KAZN: variants seen among roughly 807,000 people sequenced by gnomAD.
KAZN encodes the protein kazrin, periplakin interacting protein, also known as kazrin.
In KAZN, 40 loss-of-function variants were observed where a neutral mutation model predicts 87.4. The observed-to-expected ratio is 0.46, with a 90% CI of 0.36 to 0.60. The LOEUF (loss-of-function observed/expected upper bound fraction) is 0.60, where lower values mean the gene tolerates loss of function less well. Ranked by LOEUF, KAZN falls within the 20% of genes least tolerant of loss-of-function variation. The pLI is 0.00. For missense variants in KAZN, 898 were observed against 1,073.9 expected, an observed-to-expected ratio of 0.84 and a Z score of 2.29; for synonymous variants, 466 against 458.3, an observed-to-expected ratio of 1.02 and a Z score of -0.22.
intron 2 of KAZN, among the ~76,000 whole-genome samples, chr1:14,303,430 G>A (rs971889911): frequency 1.3e-5 from 2 of 152,150 alleles, no homozygotes; most frequent in African/African-American, 4.8e-5. Context: ...ATTTTTAGAA[G>A]AGACTGGGTT....
chr1:14,432,248 A>G (rs1203867327), intron 2 of KAZN, among the ~76,000 whole-genome samples: 2 of 152,202 alleles, frequency 1.3e-5, no homozygotes, highest in African/African-American at 2.4e-5. Flanking sequence ...GAAATTGACT[A>G]TGTAGATCAT....
At position 15,105,441 on chromosome 1, in the gene KAZN, G is replaced by A. The variant is rs115305836; in HGVS notation, c.2048+1252G>A. 4.3e-3 allele frequency among the ~76,000 whole-genome samples: 650 copies of A among 152,214 alleles called. 6 individuals are homozygous for A. The highest frequency in any genetic ancestry group is 0.015 in the African/African-American group (623 of 41,522). ...CCATTTCATCTAGGTTAGCTAATCT[G>A]GTGGCATGCAGTTGATCATATAATT... is the stretch of plus-strand genomic sequence containing the variant. On this transcript the variant is annotated intron_variant, in intron 13 of 14. Transcript: ENST00000376030.
At chr1:14,782,554 C>CAAA (rs71572122) in intron 1 of KAZN, among the ~76,000 whole-genome samples, 345 of 66,170 alleles carry the variant, frequency 5.2e-3, no homozygotes, top group East Asian at 0.012. Context: ...CCTCAAAGAG[C>CAAA]AAAAAAAAAA....
chr1:14,480,933 A>C (rs1669047440), intron 2 of KAZN, among the ~76,000 whole-genome samples: 1 of 148,306 alleles, frequency 6.7e-6, no homozygotes, highest in Non-Finnish European at 1.5e-5. Context: ...TATTAATAGA[A>C]TATACATTTT....
At chr1:14,324,942 TA>T (rs35547394) in intron 2 of KAZN, among the ~76,000 whole-genome samples, 12,493 of 152,274 alleles carry the variant, frequency 0.082, 968 homozygotes, top group African/African-American at 0.21. Flanking sequence ...GGAACCACCA[TA>T]ATTACTTTTG....
At chr1:14,759,436 G>A (rs1180191907) in intron 1 of KAZN, among the ~76,000 whole-genome samples, 1 of 152,164 alleles carries the variant, frequency 6.6e-6, no homozygotes, top group Non-Finnish European at 1.5e-5. Flanking sequence ...TGCTGTTAGA[G>A]AGGCTCTATA....
Position 14,735,160 on chromosome 1 carries a change from C to T in KAZN, c.226+135937C>T, listed in dbSNP as rs578022500. ...CTGCGAGCTCCGCCTCCCGGGTTCA[C>T]TCCATTCTCCTGCCTCAGCCTCAGG... is the stretch of plus-strand genomic sequence containing the variant. On this transcript the variant is annotated intron_variant, in intron 1 of 14. Transcript: ENST00000376030. The surrounding 1 kb of genome is among the most constrained non-coding windows in gnomAD (Gnocchi z 4.3). Among the ~76,000 whole-genome samples, 23 of 152,276 alleles carry T rather than the reference C, an allele frequency of 1.5e-4. No individual in the cohort carries two copies. The East Asian group carries it at 3.7e-3, about 24-fold the overall frequency.
intron 8 of KAZN, among the ~76,000 whole-genome samples, chr1:15,079,014 G>A (rs896547657): frequency 1.3e-5 from 2 of 152,236 alleles, no homozygotes; most frequent in Non-Finnish European, 1.5e-5. Context: ...GGAGGCAGTT[G>A]CAAAGCTTTT....
At chr1:14,857,772 G>A (rs1650303532) in intron 1 of KAZN, among the ~76,000 whole-genome samples, 2 of 152,138 alleles carry the variant, frequency 1.3e-5, no homozygotes, top group Admixed American at 1.3e-4. Context: ...CCTCCTTTAA[G>A]CAAGGCTCAT....
At chr1:14,370,093 A>C (rs1052785019) in intron 2 of KAZN, among the ~76,000 whole-genome samples, 5 of 152,160 alleles carry the variant, frequency 3.3e-5, no homozygotes, top group Admixed American at 6.5e-5. Flanking sequence ...AGACAAAAAC[A>C]ACCAACCCAA....
chr1:13,950,868 G>A (rs1007803226), intron 1 of KAZN, among the ~76,000 whole-genome samples: 2 of 152,156 alleles, frequency 1.3e-5, no homozygotes, highest in Non-Finnish European at 2.9e-5. Flanking sequence ...GGGCAAGGTC[G>A]TCTATCCAGT....
chr1:15,048,806 C>T (rs1164843640), intron 4 of KAZN, among the ~76,000 whole-genome samples: 2 of 149,192 alleles, frequency 1.3e-5, no homozygotes, highest in Non-Finnish European at 3.0e-5. Context: ...GGTCCTGAGT[C>T]GTTGGTCCTG....
intron 1 of KAZN, among the ~76,000 whole-genome samples, chr1:14,801,184 C>T (rs1245213409): frequency 2.6e-5 from 4 of 152,126 alleles, no homozygotes; most frequent in Non-Finnish European, 4.4e-5. Flanking sequence ...GCTGCCCTCT[C>T]GAGCCAGTCG....
chr1:15,063,532 G>A, intron 6 of KAZN, 40 bp from the exon 7 acceptor site: 1 of 1,586,512 alleles, frequency 6.3e-7, no homozygotes, highest in Non-Finnish European at 8.7e-7. Flanking sequence ...TGTGTCACCT[G>A]TCTCTGCTGT....
intron 1 of KAZN, among the ~76,000 whole-genome samples, chr1:14,708,249 G>C (rs1642313675): frequency 6.6e-6 from 1 of 152,128 alleles, no homozygotes; most frequent in South Asian, 2.1e-4. Context: ...AGTTTGCATG[G>C]ATGCCAGAGG....
At chr1:14,914,374 G>A (rs1345214660) in intron 1 of KAZN, among the ~76,000 whole-genome samples, 1 of 152,200 alleles carries the variant, frequency 6.6e-6, no homozygotes, top group Admixed American at 6.5e-5. Flanking sequence ...CTTTGTCTTT[G>A]AACAACTAAA....
intron 1 of KAZN, among the ~76,000 whole-genome samples, chr1:13,997,580 T>C (rs1273358419): frequency 6.6e-6 from 1 of 151,662 alleles, no homozygotes; most frequent in East Asian, 1.9e-4. Context: ...GATACACAAG[T>C]ATCAACAGCT....
At chr1:14,057,809 G>A (rs145537602) in intron 1 of KAZN, among the ~76,000 whole-genome samples, 169 of 152,308 alleles carry the variant, frequency 1.1e-3, no homozygotes, top group Admixed American at 1.9e-3. Flanking sequence ...GGGCAAGGAT[G>A]TTTTGCTGTT....
chr1:14,690,357 C>CA (rs1330795207), intron 1 of KAZN, among the ~76,000 whole-genome samples: 1 of 152,140 alleles, frequency 6.6e-6, no homozygotes, highest in Non-Finnish European at 1.5e-5. Flanking sequence ...TTAGGGAGGC[C>CA]ACTAAGCTGA....
Sources: allele counts gnomAD v4.1 joint callset (sites outside exome capture counted in the v4.1 genomes callset), GRCh38; gene constraint gnomAD v4.1.1; non-coding constraint Gnocchi (gnomAD v3.1); transcripts MANE v1.5; gene names NCBI Gene and HGNC (gene_info 2026-07-23, HGNC 2026-07-21).